CALN1: variants seen among roughly 807,000 people sequenced by gnomAD.
The protein encoded by CALN1 is calneuron 1.
CALN1 carries 17 observed loss-of-function variants against 30.6 expected under a neutral mutation model. The ratio of observed to expected loss-of-function variants is 0.56; its 90% CI spans 0.38 to 0.83. The LOEUF (loss-of-function observed/expected upper bound fraction) is 0.83, where lower values mean the gene tolerates loss of function less well. CALN1 is among the 40% of genes least tolerant of loss of function. The pLI is 0.00. For synonymous variants in CALN1, 156 were observed against 131.4 expected, an observed-to-expected ratio of 1.19 and a Z score of -1.28; for missense variants, 291 against 354.9, an observed-to-expected ratio of 0.82 and a Z score of 1.45.
chr7:72,377,441 G>A (rs893360099), intron 2 of CALN1, among the ~76,000 whole-genome samples: 1 of 77,728 alleles, frequency 1.3e-5, no homozygotes, highest in Non-Finnish European at 3.6e-5. Flanking sequence ...ACTTTCGTGT[G>A]TGTGTGTGTG....
intron 4 of CALN1, among the ~76,000 whole-genome samples, chr7:72,087,811 A>C (rs1805579898): frequency 6.6e-6 from 1 of 152,194 alleles, no homozygotes; most frequent in South Asian, 2.1e-4. Context: ...GTGGAGCAAA[A>C]GCAAAAAACA....
At chr7:72,304,297 G>A (rs992170949) in intron 2 of CALN1, among the ~76,000 whole-genome samples, 2 of 152,214 alleles carry the variant, frequency 1.3e-5, no homozygotes, top group Admixed American at 1.3e-4. Context: ...TCTTTCAAAG[G>A]AGAGGATGGA....
chr7:72,295,662 T>C (rs889189345), intron 2 of CALN1, among the ~76,000 whole-genome samples: 7 of 144,002 alleles, frequency 4.9e-5, no homozygotes, highest in African/African-American at 1.8e-4. Flanking sequence ...TGGCTCTCTG[T>C]TTGTCTGTTG....
At chr7:71,978,345 C>T (rs1350320277) in intron 5 of CALN1, among the ~76,000 whole-genome samples, 4 of 142,066 alleles carry the variant, frequency 2.8e-5, no homozygotes, top group African/African-American at 7.9e-5. Context: ...TATCTCGGCT[C>T]ACTGCAAGCT....
upstream of CALN1, among the ~76,000 whole-genome samples, chr7:72,451,266 GAGA>G (rs1262238177): frequency 6.7e-6 from 1 of 149,244 alleles, no homozygotes; most frequent in Non-Finnish European, 1.5e-5. Context: ...GGAGGAGGAG[GAGA>G]AGGAGGAAGA....
intron 3 of CALN1, among the ~76,000 whole-genome samples, chr7:72,131,448 G>A (rs1488296408): frequency 2.0e-5 from 3 of 152,004 alleles, no homozygotes; most frequent in South Asian, 2.1e-4. Flanking sequence ...TTTATTTATC[G>A]CTGCTCTTCA....
intron 3 of CALN1, among the ~76,000 whole-genome samples, chr7:72,190,051 C>T (rs1790491958): frequency 6.6e-6 from 1 of 151,920 alleles, no homozygotes; most frequent in African/African-American, 2.4e-5. Flanking sequence ...GGTGGGTAAA[C>T]AAACAAACAA....
chr7:72,336,341 G>A (rs1041294254), intron 2 of CALN1, among the ~76,000 whole-genome samples: 78 of 152,108 alleles, frequency 5.1e-4, no homozygotes, highest in Non-Finnish European at 1.0e-3. Flanking sequence ...GCGGGGGCGC[G>A]CAGCCTGGTG....
intron 3 of CALN1, among the ~76,000 whole-genome samples, chr7:72,237,901 A>G (rs1794575780): frequency 6.6e-6 from 1 of 152,238 alleles, no homozygotes; most frequent in Non-Finnish European, 1.5e-5. Context: ...CTGCAACATC[A>G]TGGCTCTTTC....
At chr7:72,041,720 A>G (rs1181196754) in intron 4 of CALN1, among the ~76,000 whole-genome samples, 1 of 152,114 alleles carries the variant, frequency 6.6e-6, no homozygotes, top group Non-Finnish European at 1.5e-5. Context: ...CGTAATTCCC[A>G]CGTGTCATGG....
intron 3 of CALN1, among the ~76,000 whole-genome samples, chr7:72,275,574 C>A (rs1187649074): frequency 6.6e-6 from 1 of 152,052 alleles, no homozygotes; most frequent in Non-Finnish European, 1.5e-5. Flanking sequence ...AATAAATGGC[C>A]CTTCCCCAGG....
At chr7:71,805,595 A>G (rs1344436628) in intron 6 of CALN1, among the ~76,000 whole-genome samples, 1 of 152,180 alleles carries the variant, frequency 6.6e-6, no homozygotes, top group Non-Finnish European at 1.5e-5. Flanking sequence ...ATCAAGGAAG[A>G]AGGGCAGGAG....
intron 3 of CALN1, among the ~76,000 whole-genome samples, chr7:72,255,098 T>C (rs1337487533): frequency 6.6e-6 from 1 of 151,110 alleles, no homozygotes. Context: ...GCCTTTCTTT[T>C]CTTTTGAGAC....
intron 6 of CALN1, 132 bp downstream of exon 6, chr7:71,810,204 G>T: frequency 2.2e-6 from 2 of 889,754 alleles, no homozygotes; most frequent in East Asian, 2.6e-5. Context: ...TTTAACCTCA[G>T]TCCTGGATTT....
At chr7:72,444,889 TG>T (rs1424862627) in intron 1 of CALN1, among the ~76,000 whole-genome samples, 6 of 152,130 alleles carry the variant, frequency 3.9e-5, no homozygotes, top group Non-Finnish European at 8.8e-5. Context: ...GAAGGTCTGT[TG>T]GTCCCCAAAG....
chr7:72,141,973 G>C (rs756894950), intron 3 of CALN1, among the ~76,000 whole-genome samples: 3 of 152,176 alleles, frequency 2.0e-5, no homozygotes, highest in Non-Finnish European at 2.9e-5. Context: ...ATTTCAGGTT[G>C]AAATATGATC....
At chr7:72,392,990 T>A (rs1805674822) in intron 2 of CALN1, among the ~76,000 whole-genome samples, 1 of 151,910 alleles carries the variant, frequency 6.6e-6, no homozygotes, top group South Asian at 2.1e-4. Context: ...ACAGCAAGAC[T>A]CTGTCACTTA....
intron 3 of CALN1, among the ~76,000 whole-genome samples, chr7:72,189,244 G>A (rs1304598592): frequency 6.6e-6 from 1 of 152,234 alleles, no homozygotes; most frequent in East Asian, 1.9e-4. Context: ...TTGATGTCAG[G>A]GAGCCAAGTG....
At chr7:72,034,164 T>C (rs898486872) in intron 4 of CALN1, among the ~76,000 whole-genome samples, 10 of 151,386 alleles carry the variant, frequency 6.6e-5, no homozygotes, top group Non-Finnish European at 1.5e-4. Context: ...CCATCCTGGC[T>C]AACACGGTGG....
Sources: allele counts gnomAD v4.1 joint callset (sites outside exome capture counted in the v4.1 genomes callset), GRCh38; gene constraint gnomAD v4.1.1; transcripts MANE v1.5; gene names NCBI Gene and HGNC (gene_info 2026-07-23, HGNC 2026-07-21).